MTMR14: variants seen among roughly 807,000 people sequenced by gnomAD.
MTMR14 encodes the protein myotubularin related protein 14, also known as phosphatidylinositol-3,5-bisphosphate 3-phosphatase MTMR14.
A neutral mutation model predicts 86.3 loss-of-function variants in MTMR14; 48 were observed. The ratio of observed to expected loss-of-function variants is 0.56; its 90% CI spans 0.44 to 0.71. The LOEUF is 0.71. Ranked by LOEUF, MTMR14 falls within the 30% of genes least tolerant of loss-of-function variation. MTMR14 has a pLI of 0.00. For synonymous variants in MTMR14, 366 were observed against 326.1 expected, an observed-to-expected ratio of 1.12 and a Z score of -1.32; for missense variants, 780 against 834.6, an observed-to-expected ratio of 0.93 and a Z score of 0.81.
At chr3:9,697,251 C>T (rs993309222) in intron 17 of MTMR14, among the ~76,000 whole-genome samples, 2 of 152,178 alleles carry the variant, frequency 1.3e-5, no homozygotes, top group African/African-American at 4.8e-5. Context: ...ACTGTCTCTT[C>T]TGATGGGACT....
chr3:9,682,024 C>T (rs2075785020), intron 9 of MTMR14, among the ~76,000 whole-genome samples: 1 of 152,218 alleles, frequency 6.6e-6, no homozygotes, highest in African/African-American at 2.4e-5. Context: ...TGCAGTCTTC[C>T]CCTAGCCCAC....
intron 3 of MTMR14, among the ~76,000 whole-genome samples, chr3:9,662,738 GT>G (rs1297826897): frequency 6.6e-6 from 1 of 152,050 alleles, no homozygotes; most frequent in Non-Finnish European, 1.5e-5. Context: ...TTCCTATATT[GT>G]TTTTCCATTC....
intron 13 of MTMR14, 115 bp downstream of exon 13, chr3:9,685,362 T>C: frequency 7.9e-7 from 1 of 1,265,754 alleles, no homozygotes; most frequent in Non-Finnish European, 1.1e-6. Context: ...TGTGCAGGGA[T>C]GTGGCCCCCT....
chr3:9,680,833 T>C (rs943008458), intron 9 of MTMR14, among the ~76,000 whole-genome samples: 9 of 150,572 alleles, frequency 6.0e-5, no homozygotes, highest in African/African-American at 2.0e-4. Context: ...CGAGACTCCG[T>C]CTCAAAAAAA....
chr3:9,693,569 C>T (rs763359271), intron 17 of MTMR14, among the ~76,000 whole-genome samples: 1 of 152,142 alleles, frequency 6.6e-6, no homozygotes, highest in Non-Finnish European at 1.5e-5. Flanking sequence ...TTAAGAAAAT[C>T]ATAAGGAAGG....
chr3:9,662,269 T>G lies in MTMR14; in HGVS notation c.311T>G (p.Phe104Cys), dbSNP rs540382518. The G allele has an allele frequency of 6.2e-7, 1 of 1,612,770 alleles. No homozygotes were observed. The highest frequency in any genetic ancestry group is 1.7e-5 in the Admixed American group (1 of 59,788). The change falls in exon 3 of 19, where the codon TTT (phenylalanine) becomes TGT (cysteine). Residue 104 changes from phenylalanine (F) to cysteine (C), a missense_variant and splice_region_variant. Coordinates refer to ENST00000296003, the MANE Select transcript of MTMR14 (RefSeq NM_001077525.3). ...TGCTTCTCTTGCCTGTGTGTTAGGTTTGAGAGTACCGTACAGGTGAGCAAG... is the reference window on the plus strand; with the variant it reads ...TGCTTCTCTTGCCTGTGTGTTAGGTGTGAGAGTACCGTACAGGTGAGCAAG... Reference protein sequence around the residue: ...YESSEKEKDTFESTVQVSKLQ... With the variant: ...YESSEKEKDTCESTVQVSKLQ...
Position 9,677,101 on chromosome 3 carries a change from A to G in MTMR14, c.752-216A>G, listed in dbSNP as rs1212986376. On this transcript the variant is annotated intron_variant, in intron 7 of 18. Transcript: ENST00000296003. This position sits in a 1 kb window ranked among gnomAD's most constrained non-coding sequence, Gnocchi z 4.2. ...TGAGAGCAGGCAGTGCCTCGTGGAA[A>G]AGGCATGCAGCCAGGAAACCAGAGG... Among the ~76,000 whole-genome samples, 1 of 152,220 alleles carries G rather than the reference A, an allele frequency of 6.6e-6. No individual in the cohort carries two copies. Among genetic ancestry groups the G allele is most frequent in the African/African-American group, 2.4e-5 (1 of 41,468 alleles).
chr3:9,699,582 A>C (rs547139105), intron 18 of MTMR14: 1 of 152,384 alleles, frequency 6.6e-6, no homozygotes, highest in Middle Eastern at 3.4e-3. Context: ...TTCAAGTGTC[A>C]GCCTTGCCTT....
At chr3:9,687,180 G>T (rs533759848) in intron 13 of MTMR14, among the ~76,000 whole-genome samples, 5 of 152,316 alleles carry the variant, frequency 3.3e-5, no homozygotes, top group African/African-American at 1.2e-4. Context: ...GGGAATCTTA[G>T]AAGAGGGGAG....
intron 5 of MTMR14, 122 bp from the exon 6 acceptor site, chr3:9,670,926 C>T (rs1327362128): frequency 7.6e-6 from 10 of 1,321,806 alleles, no homozygotes; most frequent in South Asian, 2.4e-5. Flanking sequence ...CATGCGTCCA[C>T]CTAGCACACG....
rs1193128525 is a variant in MTMR14 at position 9,677,768 on chromosome 3, A to G, written c.823-216A>G. Among the ~76,000 whole-genome samples the G allele has an allele frequency of 6.6e-6, 1 of 152,188 alleles. No individual in the cohort carries two copies. The highest frequency in any genetic ancestry group is 6.6e-5 in the Admixed American group (1 of 15,266). ...CATATTGATCTTGCATGTTTCAGCA[A>G]CAGACATCAAATGTCCGACTGAAAA... On this transcript the variant is annotated intron_variant, in intron 8 of 18. Coordinates refer to ENST00000296003, the MANE Select transcript of MTMR14 (RefSeq NM_001077525.3). The surrounding 1 kb of genome is among the most constrained non-coding windows in gnomAD (Gnocchi z 4.2).
intron 2 of MTMR14, among the ~76,000 whole-genome samples, chr3:9,659,160 A>G (rs4260426): frequency 0.11 from 16,353 of 152,148 alleles, 2,788 homozygotes; most frequent in African/African-American, 0.36. Context: ...ACCTGAGCCC[A>G]GGAGGTCAGC....
At chr3:9,691,201 C>T (rs1225787341) in intron 17 of MTMR14, among the ~76,000 whole-genome samples, 2 of 152,244 alleles carry the variant, frequency 1.3e-5, no homozygotes, top group Non-Finnish European at 2.9e-5. Context: ...CCTGCGTGAA[C>T]TCTTCAGCTC....
chr3:9,662,346 G>A lies in MTMR14; in HGVS notation c.388G>A (p.Val130Ile). 6.2e-7 allele frequency: 1 copy of A among 1,613,690 alleles called. No homozygotes were observed. The highest frequency in any genetic ancestry group is 8.5e-7 in the Non-Finnish European group (1 of 1,179,930). Reference protein sequence around the residue: ...SKMARCRGRFVCPVILFKGKH... With the variant: ...SKMARCRGRFICPVILFKGKH... ...GATGGCCCGGTGCAGAGGACGGTTTGTCTGCCCAGTAATCCTGTTCAAGGG... is the reference window on the plus strand; with the variant it reads ...GATGGCCCGGTGCAGAGGACGGTTTATCTGCCCAGTAATCCTGTTCAAGGG... Residue 130 changes from valine to isoleucine, a missense_variant, in exon 3 of 19, where the codon GTC (valine) becomes ATC (isoleucine). Coordinates refer to ENST00000296003, the MANE Select transcript of MTMR14 (RefSeq NM_001077525.3).
At position 9,653,645 on chromosome 3, in the gene MTMR14, C is replaced by T. The variant is rs1448309887; in HGVS notation, c.184C>T (p.Leu62=). The T allele has an allele frequency of 1.2e-6, 2 of 1,614,170 alleles. No homozygotes were observed. The highest frequency in any genetic ancestry group is 1.1e-5 in the South Asian group (1 of 91,090). Residue 62 remains leucine (L), a synonymous_variant, in exon 2 of 19, where the codon CTG becomes TTG. Coordinates refer to ENST00000296003, the MANE Select transcript of MTMR14 (RefSeq NM_001077525.3). ...GGTTGAGCGCATTGAGAAGAGATGT[C>T]TGGAGCTGTTTGGCCGAGACTACTG... is the stretch of plus-strand genomic sequence containing the variant. ...SKVERIEKRC[L]ELFGRDYCFS...
At chr3:9,693,888 G>GA (rs958327913) in intron 17 of MTMR14, among the ~76,000 whole-genome samples, 2 of 152,198 alleles carry the variant, frequency 1.3e-5, no homozygotes, top group Admixed American at 1.3e-4. Context: ...AAGCCTAGTG[G>GA]AAAATCAGTC....
In MTMR14 at chr3:9,702,143, T is replaced by A. The variant is rs2076480082; in HGVS notation, c.*170T>A. Reference sequence around the variant, plus strand: ...CTGAGCAAGGCCAAAGACAGGGTTTTCCAACCCCCAGCCTCTTGACTGGTG... The same window carrying A: ...CTGAGCAAGGCCAAAGACAGGGTTTACCAACCCCCAGCCTCTTGACTGGTG... On this transcript the variant is annotated 3_prime_UTR_variant, in exon 19 of 19. Transcript: ENST00000296003. 1 of 829,964 alleles carries A rather than the reference T, an allele frequency of 1.2e-6. No individual in the cohort carries two copies. Among genetic ancestry groups the A allele is most frequent in the Non-Finnish European group, 2.0e-6 (1 of 512,328 alleles). 51.4% of individuals were successfully genotyped at this position (829,964 alleles called of 1,614,324 possible).
chr3:9,688,672 T>C (rs1410442456), intron 14 of MTMR14, 24 bp from the exon 15 acceptor site: 1 of 1,614,060 alleles, frequency 6.2e-7, no homozygotes, highest in South Asian at 1.1e-5. Context: ...ATCTGGAATT[T>C]ACTGCTCCGG....
At position 9,657,156 on chromosome 3, in the gene MTMR14, A is replaced by G. The variant is rs186856091; in HGVS notation, c.308+3387A>G. On this transcript the variant is annotated intron_variant, in intron 2 of 18. Coordinates refer to ENST00000296003, the MANE Select transcript of MTMR14 (RefSeq NM_001077525.3). Reference sequence around the variant, plus strand: ...TCTCCTGAGCTCAACAGATTTCCTCACCTCGGCCTTTCAAAGTGTTGGGAT... The same window carrying G: ...TCTCCTGAGCTCAACAGATTTCCTCGCCTCGGCCTTTCAAAGTGTTGGGAT... Among the ~76,000 whole-genome samples the G allele has an allele frequency of 3.0e-3, 454 of 151,254 alleles. 2 individuals carry two copies. Among genetic ancestry groups the G allele is most frequent in the Non-Finnish European group, 5.2e-3 (350 of 67,774 alleles).
Sources: allele counts gnomAD v4.1 joint callset (sites outside exome capture counted in the v4.1 genomes callset), GRCh38; gene constraint gnomAD v4.1.1; non-coding constraint Gnocchi (gnomAD v3.1); transcripts MANE v1.5; gene names NCBI Gene and HGNC (gene_info 2026-07-23, HGNC 2026-07-21).